Variants in AP5Z1 observed in about 807,000 individuals in gnomAD.
AP5Z1 encodes AP-5 complex subunit zeta-1.
A neutral mutation model predicts 83.0 loss-of-function variants in AP5Z1; 106 were observed. The ratio of observed to expected loss-of-function variants is 1.28; its 90% CI spans 1.09 to 1.50. The LOEUF (loss-of-function observed/expected upper bound fraction) is 1.50, where lower values mean the gene tolerates loss of function less well. Ranked by LOEUF, AP5Z1 falls within the 40% of genes most tolerant of loss-of-function variation. AP5Z1 has a pLI of 0.00. For synonymous variants in AP5Z1, 751 were observed against 514.1 expected (o/e 1.46, Z -6.23); for missense variants, 1,565 against 1,094.2 (o/e 1.43, Z -6.07).
At chr7:4,778,285 C>T (rs191660212) in intron 1 of AP5Z1, among the ~76,000 whole-genome samples, 29 of 152,132 alleles carry the variant, frequency 1.9e-4, no homozygotes, top group East Asian at 5.8e-4. Flanking sequence ...GTCAGAGATA[C>T]GGAAAGCAAG....
chr7:4,788,513 C>T (rs1014025028), intron 12 of AP5Z1: 1 of 590,324 alleles, frequency 1.7e-6, no homozygotes, highest in Non-Finnish European at 2.8e-6. Context: ...CCCACATCAA[C>T]CCTCATAAGC....
At chr7:4,778,398 G>A (rs912214150) in intron 1 of AP5Z1, among the ~76,000 whole-genome samples, 6 of 152,304 alleles carry the variant, frequency 3.9e-5, no homozygotes, top group Non-Finnish European at 5.9e-5. Flanking sequence ...CCGCAAGGTC[G>A]GGGATTTCCA....
intron 1 of AP5Z1, among the ~76,000 whole-genome samples, chr7:4,779,428 A>G (rs1781320299): frequency 6.9e-6 from 1 of 145,152 alleles, no homozygotes; most frequent in Non-Finnish European, 1.5e-5. Context: ...CATATATATC[A>G]TATATAACAT....
rs560484295 is a variant in AP5Z1 at position 4,784,301 on chromosome 7, G to C, written c.720G>C (p.Val240=). The change falls in exon 6 of 17, where the codon GTG becomes GTC. Residue 240 remains valine, a synonymous_variant. Transcript: ENST00000649063. ...HRFTDDQWLN[V]QAFSMLRAWL... ...TCACAGACGACCAGTGGCTGAACGT[G>C]CAGGCCTTCTCTATGCTGCGGGCGT... 158 of 1,602,502 alleles carry C rather than the reference G, an allele frequency of 9.9e-5. No homozygotes were observed. The South Asian group carries it at 1.7e-3, about 17-fold the overall frequency.
At chr7:4,788,511 A>C in intron 12 of AP5Z1, 1 of 593,296 alleles carries the variant, frequency 1.7e-6, no homozygotes, top group Non-Finnish European at 2.8e-6. Context: ...TGCCCACATC[A>C]ACCCTCATAA....
chr7:4,784,198 C>T lies in AP5Z1; in HGVS notation c.622-5C>T, dbSNP rs749342646. ...TCCGCCCACTCCTGCCTGTCCTTCC[C>T]ACAGCCGGGCCCCGTCACCGAGGTG... On this transcript the variant is annotated splice_region_variant and splice_polypyrimidine_tract_variant and intron_variant, in intron 5 of 16. Transcript: ENST00000649063. 1.3e-5 allele frequency: 20 copies of T among 1,583,140 alleles called. No individual in the cohort carries two copies. The highest frequency in any genetic ancestry group is 1.6e-5 in the Non-Finnish European group (19 of 1,166,530).
Position 4,792,199 on chromosome 7 carries a change from A to C in AP5Z1, c.*814A>C, listed in dbSNP as rs984183221. 5.3e-5 allele frequency: 8 copies of C among 151,816 alleles called. No individual in the cohort carries two copies. The highest frequency in any genetic ancestry group is 1.9e-4 in the African/African-American group (8 of 41,286). 9.4% of individuals were successfully genotyped at this position (151,816 alleles called of 1,614,324 possible). On this transcript the variant is annotated 3_prime_UTR_variant, in exon 17 of 17. Coordinates refer to ENST00000649063, the MANE Select transcript of AP5Z1 (RefSeq NM_014855.3). ...CTGTGGTCCCACCCTCCGGACTACC[A>C]AGGCACAGCTGTGTCGCACGTTCCG...
Position 4,788,365 on chromosome 7 carries a change from C to T in AP5Z1, c.1595+71C>T, listed in dbSNP as rs537010010. The T allele has an allele frequency of 1.5e-4, 218 of 1,483,366 alleles. 1 individual carries two copies. The East Asian group carries it at 5.3e-3, about 36-fold the overall frequency. 91.9% of individuals were successfully genotyped at this position (1,483,366 alleles called of 1,614,324 possible). A position where few individuals can be genotyped will look rare whatever the true frequency, so the allele number is the denominator to read the frequency against. ...CGGCCACAGCCACTGGGGTGGGGCT[C>T]ACTGCTCAGCCCTAGGCTGAGGCCA... On this transcript the variant is annotated intron_variant, in intron 12 of 16. Transcript: ENST00000649063.
chr7:4,786,613 A>C lies in AP5Z1; in HGVS notation c.1311+185A>C, dbSNP rs542350755. On this transcript the variant is annotated intron_variant, in intron 10 of 16. Transcript: ENST00000649063. The stretch of plus-strand genomic sequence containing the variant: ...GTGTCCCTGCAGCGTCACGTGATTG[A>C]CGGTGCTGTCCAAGAACTCCCTTGT... 2.6e-5 allele frequency among the ~76,000 whole-genome samples: 4 copies of C among 152,116 alleles called. No homozygotes were observed. In the South Asian group the frequency reaches 8.3e-4, roughly 32 times the overall value.
In AP5Z1 at chr7:4,787,748, T is replaced by G. The variant is rs939234316; in HGVS notation, c.1426T>G (p.Leu476Val). 1 of 1,543,194 alleles carries G rather than the reference T, an allele frequency of 6.5e-7. No homozygotes were observed. Among genetic ancestry groups the G allele is most frequent in the Non-Finnish European group, 8.7e-7 (1 of 1,147,876 alleles). ...GCACGCGCTGCTGGACCTGCCCTGC[T>G]TGACGGCGGTGCTGGACCTGCAGCT... ...MLHALLDLPC[L>V]TAVLDLQLRS... The change falls in exon 11 of 17, where the codon TTG becomes GTG. Residue 476 changes from leucine (L) to valine (V), a missense_variant. Leu to Val is a conservative substitution (Grantham distance 32). Coordinates refer to ENST00000649063, the MANE Select transcript of AP5Z1 (RefSeq NM_014855.3).
chr7:4,785,475 A>G, intron 8 of AP5Z1, 23 bp downstream of exon 8: 1 of 1,612,902 alleles, frequency 6.2e-7, no homozygotes, highest in Non-Finnish European at 8.5e-7. Flanking sequence ...GGACCAGGGG[A>G]TGGGAGGCAG....
In AP5Z1 at chr7:4,791,551, C is replaced by G. The variant is rs973365156; in HGVS notation, c.*166C>G. The G allele has an allele frequency of 9.7e-7, 1 of 1,035,900 alleles. No individual in the cohort carries two copies. The highest frequency in any genetic ancestry group is 1.6e-5 in the African/African-American group (1 of 61,892). 64.2% of individuals were successfully genotyped at this position (1,035,900 alleles called of 1,614,324 possible). A position where few individuals can be genotyped will look rare whatever the true frequency, so the allele number is the denominator to read the frequency against. On this transcript the variant is annotated 3_prime_UTR_variant, in exon 17 of 17. Coordinates refer to ENST00000649063, the MANE Select transcript of AP5Z1 (RefSeq NM_014855.3). The stretch of plus-strand genomic sequence containing the variant: ...CAGACACGCGGGGCTGGCCCCCCTG[C>G]TCACCCTCTGGGCTTTGTCTCCGAG...
At chr7:4,790,002 C>CCTCCCCT in intron 14 of AP5Z1, 73 bp downstream of exon 14, 2 of 1,026,026 alleles carry the variant, frequency 1.9e-6, no homozygotes, top group Non-Finnish European at 2.6e-6. Context: ...TCCCCTCCCC[C>CCTCCCCT]CTCCCCTTCA....
intron 10 of AP5Z1, among the ~76,000 whole-genome samples, chr7:4,786,884 C>T (rs753138027): frequency 1.3e-5 from 2 of 152,142 alleles, no homozygotes; most frequent in Non-Finnish European, 2.9e-5. Context: ...GATTCTCCTG[C>T]GTCAGCCACC....
In AP5Z1 at chr7:4,784,549, A is replaced by C. The variant is rs574710411; in HGVS notation, c.790+178A>C. ...GCTAGGCGGAGAGCACTCCCTGGCC[A>C]GCATCTTTGGGGTCCAGGGTCAGCA... is the stretch of plus-strand genomic sequence containing the variant. On this transcript the variant is annotated intron_variant, in intron 6 of 16. Transcript: ENST00000649063. 2.1e-3 allele frequency among the ~76,000 whole-genome samples: 313 copies of C among 152,268 alleles called. 3 individuals carry two copies. Among genetic ancestry groups the C allele is most frequent in the African/African-American group, 7.0e-3 (292 of 41,550 alleles).
In AP5Z1 at chr7:4,778,498, A is replaced by G. The variant is rs1325315409; in HGVS notation, c.42-2677A>G. ...GCGAAGGGACAGAAGCAAAAGAAAC[A>G]GGACATGGAGTCTGGAGAAGGAAGG... On this transcript the variant is annotated intron_variant, in intron 1 of 16. Coordinates refer to ENST00000649063, the MANE Select transcript of AP5Z1 (RefSeq NM_014855.3). 2.0e-5 allele frequency among the ~76,000 whole-genome samples: 3 copies of G among 152,106 alleles called. No individual in the cohort carries two copies. In the South Asian group the frequency reaches 6.2e-4, roughly 32 times the overall value.
chr7:4,790,689 A>C lies in AP5Z1; in HGVS notation c.1955A>C (p.Glu652Ala). ...CGGGCCTAGGTGTGGGCCATCGGCG[A>C]GTACCTGTCGGTGACCTACGATCGG... ...LVTSVVWAIG[E>A]YLSVTYDRRC... The change falls in exon 16 of 17, where the codon GAG (glutamate) becomes GCG (alanine). Residue 652 changes from glutamate to alanine, a missense_variant. Glu to Ala is a moderately radical substitution (Grantham distance 107, BLOSUM62 -1). Transcript: ENST00000649063. The C allele has an allele frequency of 6.2e-7, 1 of 1,611,878 alleles. No homozygotes were observed. Among genetic ancestry groups the C allele is most frequent in the Non-Finnish European group, 8.5e-7 (1 of 1,179,648 alleles).
At position 4,781,655 on chromosome 7, in the gene AP5Z1, C is replaced by G. The variant is rs1325493234; in HGVS notation, c.267C>G (p.Ile89Met). 1 of 1,605,946 alleles carries G rather than the reference C, an allele frequency of 6.2e-7. No homozygotes were observed. Among genetic ancestry groups the G allele is most frequent in the Admixed American group, 1.7e-5 (1 of 59,912 alleles). The change falls in exon 3 of 17, where the codon ATC becomes ATG. Residue 89 changes from isoleucine (I) to methionine (M), a missense_variant. Transcript: ENST00000649063. ...AGCTCCAGGTGCTTTGCGCCGCCAT[C>G]CTGCGAGAGATGTCCCCCTCTGACA... ...PEQLQVLCAAILREMSPSDSL... is the reference protein window; with the variant it reads ...PEQLQVLCAAMLREMSPSDSL...
intron 5 of AP5Z1, 35 bp from the exon 6 acceptor site, chr7:4,784,167 GC>G: frequency 6.5e-7 from 1 of 1,546,142 alleles, no homozygotes. Flanking sequence ...CCCGGCCTCG[GC>G]CCCCTCCGCC....
Sources: gnomAD v4.1 joint callset for allele counts (sites outside exome capture counted in the v4.1 genomes callset) on GRCh38, gnomAD v4.1.1 for gene constraint, MANE v1.5 for transcripts, NCBI Gene and HGNC (gene_info 2026-07-23, HGNC 2026-07-21) for gene names.